Variants in ADAMTS12 observed in about 807,000 individuals in gnomAD.
ADAMTS12 encodes the protein A disintegrin and metalloproteinase with thrombospondin motifs 12.
In ADAMTS12, 118 loss-of-function variants were observed where a neutral mutation model predicts 167.8. The ratio of observed to expected loss-of-function variants is 0.70; its 90% CI spans 0.61 to 0.82. ADAMTS12 has a LOEUF of 0.82. Ranked by LOEUF, ADAMTS12 falls within the 40% of genes least tolerant of loss-of-function variation. The probability of loss-of-function intolerance (pLI) is 0.00; values close to 1 mark genes in which losing one functional copy is unlikely to be tolerated. For missense variants in ADAMTS12, 1,916 were observed against 1,998.8 expected, an observed-to-expected ratio of 0.96 and a Z score of 0.79; for synonymous variants, 704 against 716.9, an observed-to-expected ratio of 0.98 and a Z score of 0.29.
intron 1 of ADAMTS12, among the ~76,000 whole-genome samples, chr5:33,883,330 T>G (rs540818786): frequency 9.5e-4 from 54 of 57,056 alleles, no homozygotes; most frequent in East Asian, 6.2e-3. Context: ...TTTTTTTGTT[T>G]TTTTTTTTTT....
rs116789609 is a variant in ADAMTS12, at chr5:33,527,527, C to T, written c.4607-161G>A. Among the ~76,000 whole-genome samples the T allele has an allele frequency of 4.4e-3, 672 of 152,260 alleles. 9 individuals are homozygous for T. Among genetic ancestry groups the T allele is most frequent in the African/African-American group, 0.015 (632 of 41,530 alleles). ...TACTGAATGTTTATTATGTATCAGA[C>T]GCTGTGCAGAGTGTTTATGCTAAAC... On this transcript the variant is annotated intron_variant, in intron 23 of 23. Coordinates refer to ENST00000504830, the MANE Select transcript of ADAMTS12 (RefSeq NM_030955.4).
In ADAMTS12 at chr5:33,534,962, T is replaced by C; in HGVS notation, c.4477A>G (p.Lys1493Glu). Residue 1493 changes from lysine (K) to glutamate (E), a missense_variant, in exon 23 of 24, where the codon AAG (lysine) becomes GAG (glutamate). Coordinates refer to ENST00000504830, the MANE Select transcript of ADAMTS12 (RefSeq NM_030955.4). ...CSTSCGGGFQKRTVQCVPSEG... is the reference protein window; with the variant it reads ...CSTSCGGGFQERTVQCVPSEG... The stretch of plus-strand genomic sequence containing the variant: ...GAGGGCACACATTGGACAGTCCTCT[T>C]CTGAAAGCCACCTCCACAGGAAGTG... 4 of 1,610,528 alleles carry C rather than the reference T, an allele frequency of 2.5e-6. No individual in the cohort carries two copies. The highest frequency in any genetic ancestry group is 3.4e-6 in the Non-Finnish European group (4 of 1,179,178).
chr5:33,730,026 C>T (rs956907103), intron 3 of ADAMTS12, among the ~76,000 whole-genome samples: 7 of 152,180 alleles, frequency 4.6e-5, no homozygotes, highest in Admixed American at 2.0e-4. Flanking sequence ...CATTCTGGAG[C>T]TCCAAGGCAA....
At chr5:33,822,269 T>C (rs896753842) in intron 2 of ADAMTS12, among the ~76,000 whole-genome samples, 3 of 152,098 alleles carry the variant, frequency 2.0e-5, no homozygotes, top group African/African-American at 7.2e-5. Flanking sequence ...TAACACTGAG[T>C]AGAAAATTCA....
chr5:33,552,561 A>G (rs1745295846), intron 20 of ADAMTS12, among the ~76,000 whole-genome samples: 3 of 152,232 alleles, frequency 2.0e-5, no homozygotes, highest in African/African-American at 7.2e-5. Context: ...GCCTTTTCCT[A>G]AACACATTCA....
In ADAMTS12 at chr5:33,666,223, C is replaced by A. The variant is rs1741459358; in HGVS notation, c.916-4183G>T. On this transcript the variant is annotated intron_variant, in intron 5 of 23. Transcript: ENST00000504830. The stretch of plus-strand genomic sequence containing the variant: ...ACCCTCCACCGTTAACATACACAGT[C>A]CAGCGGCGCAGGGCCGGCCAGAAAA... Among the ~76,000 whole-genome samples the A allele has an allele frequency of 2.6e-5, 4 of 152,350 alleles. No individual in the cohort carries two copies. The South Asian group carries it at 8.3e-4, about 32-fold the overall frequency.
chr5:33,784,341 G>C (rs1020588495), intron 2 of ADAMTS12, among the ~76,000 whole-genome samples: 1 of 151,862 alleles, frequency 6.6e-6, no homozygotes, highest in African/African-American at 2.4e-5. Flanking sequence ...ACATTGTACT[G>C]ATGGTGAGCC....
chr5:33,578,233 A>G (rs1746860606), intron 18 of ADAMTS12, among the ~76,000 whole-genome samples: 1 of 152,160 alleles, frequency 6.6e-6, no homozygotes, highest in Admixed American at 6.5e-5. Flanking sequence ...GGACTGCATA[A>G]TGATTTCAAA....
intron 17 of ADAMTS12, among the ~76,000 whole-genome samples, chr5:33,590,079 T>C (rs1023887377): frequency 2.0e-5 from 3 of 152,226 alleles, no homozygotes; most frequent in African/African-American, 7.2e-5. Flanking sequence ...AGTGCCCCAC[T>C]GTATTAATCT....
At chr5:33,599,468 G>A (rs1469137777) in intron 16 of ADAMTS12, among the ~76,000 whole-genome samples, 1 of 152,082 alleles carries the variant, frequency 6.6e-6, no homozygotes, top group African/African-American at 2.4e-5. Flanking sequence ...CCTCAAGAAG[G>A]TCATCCTGTG....
At chr5:33,617,005 C>A (rs751338539) in intron 14 of ADAMTS12, among the ~76,000 whole-genome samples, 20 of 152,090 alleles carry the variant, frequency 1.3e-4, no homozygotes, top group Non-Finnish European at 2.4e-4. Context: ...GTTGGCATTG[C>A]GAAAGGAATT....
chr5:33,776,993 G>C (rs965155009), intron 2 of ADAMTS12, among the ~76,000 whole-genome samples: 26 of 152,144 alleles, frequency 1.7e-4, no homozygotes, highest in Admixed American at 1.7e-3. Context: ...CAGAAAATCT[G>C]AACAGACCAG....
At chr5:33,633,616 T>C (rs1278122208) in intron 12 of ADAMTS12, among the ~76,000 whole-genome samples, 2 of 152,064 alleles carry the variant, frequency 1.3e-5, no homozygotes, top group Admixed American at 6.6e-5. Flanking sequence ...GAAGTCCTCC[T>C]CTGTCCCCTC....
intron 22 of ADAMTS12, among the ~76,000 whole-genome samples, chr5:33,538,580 C>T (rs1744527656): frequency 1.3e-5 from 2 of 152,150 alleles, no homozygotes; most frequent in Non-Finnish European, 2.9e-5. Flanking sequence ...GAGACTCCAC[C>T]AAAGGGAGAT....
chr5:33,626,171 G>T lies in ADAMTS12; in HGVS notation c.2023-1820C>A, dbSNP rs141922048. 1.8e-3 allele frequency among the ~76,000 whole-genome samples: 280 copies of T among 152,216 alleles called. 3 individuals carry two copies. The highest frequency in any genetic ancestry group is 6.5e-3 in the African/African-American group (268 of 41,538). On this transcript the variant is annotated intron_variant, in intron 13 of 23. Coordinates refer to ENST00000504830, the MANE Select transcript of ADAMTS12 (RefSeq NM_030955.4). Reference sequence around the variant, plus strand: ...TACAATGGTGGTGGGAACAGTGATGGTAGTGGTGGTAATGATGGTGAAGGT... The same window carrying T: ...TACAATGGTGGTGGGAACAGTGATGTTAGTGGTGGTAATGATGGTGAAGGT...
At chr5:33,654,955 T>C (rs539203251) in intron 7 of ADAMTS12, among the ~76,000 whole-genome samples, 3 of 151,510 alleles carry the variant, frequency 2.0e-5, no homozygotes, top group South Asian at 4.2e-4. Context: ...CTGGCATATA[T>C]GAGAGAAAAG....
At chr5:33,878,964 G>A (rs1750326839) in intron 2 of ADAMTS12, among the ~76,000 whole-genome samples, 1 of 152,278 alleles carries the variant, frequency 6.6e-6, no homozygotes, top group African/African-American at 2.4e-5. Flanking sequence ...AAAGGTTTCA[G>A]ACAAGCAAAT....
At chr5:33,731,476 C>T (rs1489186625) in intron 3 of ADAMTS12, among the ~76,000 whole-genome samples, 1 of 152,204 alleles carries the variant, frequency 6.6e-6, no homozygotes, top group African/African-American at 2.4e-5. Context: ...CAGGAATGGT[C>T]TTTATCAGAT....
At chr5:33,597,430 T>C (rs4279343) in intron 16 of ADAMTS12, among the ~76,000 whole-genome samples, 71,930 of 151,966 alleles carry the variant, frequency 0.47, 17,824 homozygotes, top group South Asian at 0.6. Flanking sequence ...AACTCCAGAA[T>C]TGGAAAGGCC....
Sources: allele counts gnomAD v4.1 joint callset (sites outside exome capture counted in the v4.1 genomes callset), GRCh38; gene constraint gnomAD v4.1.1; transcripts MANE v1.5; gene names NCBI Gene and HGNC (gene_info 2026-07-23, HGNC 2026-07-21).